ESYT2: variants seen among roughly 807,000 people sequenced by gnomAD.
ESYT2 encodes extended synaptotagmin 2.
In ESYT2, 54 loss-of-function variants were observed where a neutral mutation model predicts 107.2. That is an observed-to-expected ratio of 0.50 (90% confidence interval 0.40 to 0.63). ESYT2 has a LOEUF of 0.63. Ranked by LOEUF, ESYT2 falls within the 30% of genes least tolerant of loss-of-function variation. The pLI, the probability that ESYT2 is intolerant of heterozygous loss-of-function variation, is 0.00. For synonymous variants in ESYT2, 491 were observed against 434.1 expected (o/e 1.13, Z -1.63); for missense variants, 1,020 against 1,094.5 (o/e 0.93, Z 0.96).
intron 9 of ESYT2, among the ~76,000 whole-genome samples, chr7:158,764,386 T>G (rs911069044): frequency 6.6e-6 from 1 of 152,232 alleles, no homozygotes; most frequent in African/African-American, 2.4e-5. Context: ...CGTAACATTT[T>G]ATACTTAGAA....
intron 4 of ESYT2, 151 bp downstream of exon 4, chr7:158,793,499 A>T: frequency 1.5e-6 from 1 of 659,358 alleles, no homozygotes; most frequent in South Asian, 1.8e-5. Context: ...CCCAGAAGGT[A>T]AATAATATTT....
intron 6 of ESYT2, among the ~76,000 whole-genome samples, chr7:158,778,007 C>T (rs928499085): frequency 5.3e-5 from 8 of 152,246 alleles, no homozygotes; most frequent in African/African-American, 1.4e-4. Flanking sequence ...ATCTACGAAG[C>T]GCAATAAAGC....
At chr7:158,794,464 T>C (rs188221418) in intron 3 of ESYT2, among the ~76,000 whole-genome samples, 5 of 152,336 alleles carry the variant, frequency 3.3e-5, no homozygotes, top group Admixed American at 6.5e-5. Context: ...ACTGCACTCC[T>C]GACTAGGCAA....
chr7:158,776,940 C>T lies in ESYT2; in HGVS notation c.748-3544G>A, dbSNP rs557985329. 5.9e-5 allele frequency among the ~76,000 whole-genome samples: 9 copies of T among 152,050 alleles called. No homozygotes were observed. The South Asian group carries it at 1.7e-3, about 28-fold the overall frequency. ...CCATCTTAGCTCACTACAACCTCCGCCTCCCAGGTTCAAGTGATTCTCCTG... is the reference window on the plus strand; with the variant it reads ...CCATCTTAGCTCACTACAACCTCCGTCTCCCAGGTTCAAGTGATTCTCCTG... On this transcript the variant is annotated intron_variant, in intron 6 of 22. Coordinates refer to ENST00000275418, the MANE Select transcript of ESYT2 (RefSeq NM_001367773.1).
At chr7:158,811,303 G>A (rs2129473977) in intron 1 of ESYT2, among the ~76,000 whole-genome samples, 1 of 152,242 alleles carries the variant, frequency 6.6e-6, no homozygotes, top group African/African-American at 2.4e-5. Flanking sequence ...TAGAGCCAGA[G>A]GACCCAAAGT....
In ESYT2 at chr7:158,737,035, T is replaced by TA; in HGVS notation, c.2399+12dup. 6.2e-7 allele frequency: 1 copy of TA among 1,612,444 alleles called. No individual in the cohort carries two copies. The highest frequency in any genetic ancestry group is 1.1e-5 in the South Asian group (1 of 91,012). On this transcript the variant is annotated intron_variant, in intron 20 of 22. Transcript: ENST00000275418. ...ACCGGGCAGTCTATCCTCAGCTGGA[T>TA]AAAATACCGTACCTTTGATCAAACA... is the stretch of plus-strand genomic sequence containing the variant.
At chr7:158,744,604 T>A (rs2129471478) in intron 16 of ESYT2, among the ~76,000 whole-genome samples, 1 of 152,336 alleles carries the variant, frequency 6.6e-6, no homozygotes, top group South Asian at 2.1e-4. Flanking sequence ...CCTCAAGTGA[T>A]CCTCTCATCT....
At chr7:158,798,111 G>A in intron 2 of ESYT2, 35 bp from the exon 3 acceptor site, 4 of 1,612,378 alleles carry the variant, frequency 2.5e-6, no homozygotes, top group Non-Finnish European at 3.4e-6. Flanking sequence ...TAAACAAAAT[G>A]CTATATAATG....
intron 9 of ESYT2, among the ~76,000 whole-genome samples, chr7:158,763,388 G>A (rs763756606): frequency 2.6e-5 from 4 of 152,050 alleles, no homozygotes; most frequent in Non-Finnish European, 5.9e-5. Flanking sequence ...TCCGCCTCCT[G>A]GGTTCAAGCG....
In ESYT2 at chr7:158,764,666, C is replaced by T. The variant is rs199902774; in HGVS notation, c.1101+11G>A. On this transcript the variant is annotated intron_variant, in intron 9 of 22. Coordinates refer to ENST00000275418, the MANE Select transcript of ESYT2 (RefSeq NM_001367773.1). ...CACCACCCCAGCAACACAGCAGACA[C>T]GACACCCCACCTCATAGACTTCATT... is the stretch of plus-strand genomic sequence containing the variant. 283 of 1,612,102 alleles carry T rather than the reference C, an allele frequency of 1.8e-4. 1 individual carries two copies. The highest frequency in any genetic ancestry group is 4.9e-4 in the African/African-American group (37 of 74,928).
intron 1 of ESYT2, among the ~76,000 whole-genome samples, chr7:158,818,251 A>G (rs1297115146): frequency 2.0e-5 from 3 of 152,192 alleles, no homozygotes; most frequent in African/African-American, 7.2e-5. Context: ...AGTGGAGTCA[A>G]GAAAGATTAG....
At chr7:158,781,124 C>A (rs1401985616) in intron 6 of ESYT2, among the ~76,000 whole-genome samples, 5 of 152,018 alleles carry the variant, frequency 3.3e-5, no homozygotes, top group African/African-American at 4.8e-5. Flanking sequence ...TACGAGAGAA[C>A]GAGAACAAGT....
intron 1 of ESYT2, among the ~76,000 whole-genome samples, chr7:158,803,776 G>C (rs1358504953): frequency 2.0e-5 from 3 of 150,430 alleles, no homozygotes; most frequent in African/African-American, 7.4e-5. Context: ...CCAAACCGCC[G>C]AGAAGGGTGA....
rs781595735 is a variant in ESYT2, at chr7:158,750,870, G to A, written c.1483-1147C>T. Among the ~76,000 whole-genome samples, 7 of 152,236 alleles carry A rather than the reference G, an allele frequency of 4.6e-5. No individual in the cohort carries two copies. In the East Asian group the frequency reaches 5.8e-4, roughly 13 times the overall value. On this transcript the variant is annotated intron_variant, in intron 14 of 22. Coordinates refer to ENST00000275418, the MANE Select transcript of ESYT2 (RefSeq NM_001367773.1). Reference sequence around the variant, plus strand: ...GCCCCACAGGAGGCTGTGTCCCCTCGGGCTGGAGCCACAGGTAGCTCGTGG... The same window carrying A: ...GCCCCACAGGAGGCTGTGTCCCCTCAGGCTGGAGCCACAGGTAGCTCGTGG...
Position 158,829,437 on chromosome 7 carries a change from T to A in ESYT2, c.-19A>T. 1 of 1,185,588 alleles carries A rather than the reference T, an allele frequency of 8.4e-7. No homozygotes were observed. The highest frequency in any genetic ancestry group is 3.8e-5 in the East Asian group (1 of 26,006). The allele number at this position is 1,185,588 out of a possible 1,614,324, so 73.4% of individuals were successfully genotyped here. On this transcript the variant is annotated 5_prime_UTR_variant, in exon 1 of 23. Coordinates refer to ENST00000275418, the MANE Select transcript of ESYT2 (RefSeq NM_001367773.1). ...CGCTCATCGCCCCGCAGTGCCGCGCTGCCCTCCCGGCCGAGGCGGGCTGGG... is the reference window on the plus strand; with the variant it reads ...CGCTCATCGCCCCGCAGTGCCGCGCAGCCCTCCCGGCCGAGGCGGGCTGGG...
chr7:158,782,071 GTGTA>G lies in ESYT2; in HGVS notation c.747+5929_747+5932del, dbSNP rs766153367. Among the ~76,000 whole-genome samples, 956 of 121,126 alleles carry G rather than the reference GTGTA, an allele frequency of 7.9e-3. 11 individuals are homozygous for G. The highest frequency in any genetic ancestry group is 0.012 in the Non-Finnish European group (723 of 60,458). 79.5% of individuals were successfully genotyped at this position (121,126 alleles called of 152,430 possible). A position where few individuals can be genotyped will look rare whatever the true frequency, so the allele number is the denominator to read the frequency against. ...AGTGTGAGTGAACGTGTGAAGTGTG[GTGTA>G]TGTAAGAACAAATGTGAGTGAACGA... is the stretch of plus-strand genomic sequence containing the variant. On this transcript the variant is annotated intron_variant, in intron 6 of 22. Coordinates refer to ENST00000275418, the MANE Select transcript of ESYT2 (RefSeq NM_001367773.1).
At chr7:158,778,415 G>C (rs1391249550) in intron 6 of ESYT2, among the ~76,000 whole-genome samples, 1 of 149,410 alleles carries the variant, frequency 6.7e-6, no homozygotes, top group Non-Finnish European at 1.5e-5. Flanking sequence ...ACATGAAACA[G>C]ACACTGGCTT....
chr7:158,776,898 G>A (rs1427019507), intron 6 of ESYT2, among the ~76,000 whole-genome samples: 1 of 151,358 alleles, frequency 6.6e-6, no homozygotes, highest in Non-Finnish European at 1.5e-5. Flanking sequence ...TGTCGCCCAG[G>A]CTGGAGTGCA....
At chr7:158,750,282 T>C (rs754180489) in intron 14 of ESYT2, among the ~76,000 whole-genome samples, 14 of 152,168 alleles carry the variant, frequency 9.2e-5, no homozygotes, top group Admixed American at 2.0e-4. Context: ...TTTAGAATCA[T>C]ATTAAATTAA....
Sources: gnomAD v4.1 joint callset for allele counts (sites outside exome capture counted in the v4.1 genomes callset) on GRCh38, gnomAD v4.1.1 for gene constraint, MANE v1.5 for transcripts, NCBI Gene and HGNC (gene_info 2026-07-23, HGNC 2026-07-21) for gene names.